The following DAB1 variants were observed in gnomAD, a reference collection of about 807,000 sequenced individuals.
DAB1 encodes DAB adaptor protein 1.
Under a neutral mutation model 64.6 loss-of-function variants are expected in DAB1, and 15 were observed. That is an observed-to-expected ratio of 0.23 (90% CI 0.16 to 0.36). DAB1 has a LOEUF of 0.36. Ranked by LOEUF, DAB1 falls within the 10% of genes least tolerant of loss-of-function variation. DAB1 has a pLI of 1.00. For synonymous variants in DAB1, 235 were observed against 251.9 expected (o/e 0.93, Z 0.64); for missense variants, 596 against 706.7 (o/e 0.84, Z 1.78).
intron 4 of DAB1, among the ~76,000 whole-genome samples, chr1:58,321,305 C>T (rs1012712506): frequency 2.0e-5 from 3 of 152,186 alleles, no homozygotes; most frequent in Non-Finnish European, 2.9e-5. Context: ...TCATCATTCG[C>T]GAATAGTAAC....
rs1369516505 is a variant in DAB1 at position 57,071,045 on chromosome 1, T to A, written c.575A>T (p.Asp192Val). 6.2e-7 allele frequency: 1 copy of A among 1,613,202 alleles called. No homozygotes were observed. The highest frequency in any genetic ancestry group is 8.5e-7 in the Non-Finnish European group (1 of 1,179,238). ...QAVYQTILEE[D>V]VEDPVYQYIV... Reference sequence around the variant, plus strand: ...TACCTGGTACACAGGATCTTCAACATCCTCTTCCAATATTGTCTATTGCAG... The same window carrying A: ...TACCTGGTACACAGGATCTTCAACAACCTCTTCCAATATTGTCTATTGCAG... The change falls in exon 7 of 15, where the codon GAT becomes GTT. Residue 192 changes from aspartate (D) to valine (V), a missense_variant. Asp to Val is a radical substitution (Grantham distance 152, BLOSUM62 -3). Coordinates refer to ENST00000371236, the MANE Select transcript of DAB1 (RefSeq NM_001365792.1).
At chr1:57,768,190 A>AAAG (rs1557469618) in intron 6 of DAB1, among the ~76,000 whole-genome samples, 1 of 150,682 alleles carries the variant, frequency 6.6e-6, no homozygotes, top group East Asian at 1.9e-4. Context: ...AAAAAAAAAA[A>AAAG]AAAAAAAGTT....
chr1:57,252,980 C>A (rs1037756009), intron 2 of DAB1, among the ~76,000 whole-genome samples: 1 of 152,192 alleles, frequency 6.6e-6, no homozygotes, highest in Non-Finnish European at 1.5e-5. Context: ...GGCCAGCAGT[C>A]CATACAACGG....
chr1:57,300,422 G>C (rs979310398), intron 1 of DAB1, among the ~76,000 whole-genome samples: 6 of 152,294 alleles, frequency 3.9e-5, no homozygotes, highest in African/African-American at 1.4e-4. Context: ...GAGTTAACAG[G>C]GGGGATGCAG....
chr1:57,862,763 T>G (rs946861110), intron 1 of DAB1: 8 of 152,104 alleles, frequency 5.3e-5, no homozygotes, highest in Non-Finnish European at 1.5e-5. Flanking sequence ...CTAAACTGAC[T>G]AAAATTAATC....
chr1:57,662,014 C>G (rs1646392554), intron 6 of DAB1, among the ~76,000 whole-genome samples: 1 of 152,016 alleles, frequency 6.6e-6, no homozygotes, highest in Non-Finnish European at 1.5e-5. Context: ...GTCTGGAGAT[C>G]CAGCTTCTCA....
At chr1:58,256,558 C>T (rs1228703336) in intron 4 of DAB1, among the ~76,000 whole-genome samples, 2 of 152,108 alleles carry the variant, frequency 1.3e-5, no homozygotes, top group Non-Finnish European at 2.9e-5. Flanking sequence ...ATCAGAAGCA[C>T]CCGTACAATG....
At chr1:58,429,886 G>T (rs706424) in intron 3 of DAB1, among the ~76,000 whole-genome samples, 1 of 152,072 alleles carries the variant, frequency 6.6e-6, no homozygotes, top group South Asian at 2.1e-4. Flanking sequence ...CTGGAGGCTG[G>T]AAAGTCCAAG....
At chr1:57,331,946 T>G (rs564737503) in intron 1 of DAB1, among the ~76,000 whole-genome samples, 43 of 152,302 alleles carry the variant, frequency 2.8e-4, no homozygotes, top group African/African-American at 1.0e-3. Flanking sequence ...GCTCTTACTC[T>G]AAGAGTTTTT....
intron 6 of DAB1, among the ~76,000 whole-genome samples, chr1:57,757,032 G>C (rs1378018812): frequency 6.6e-6 from 1 of 152,102 alleles, no homozygotes; most frequent in African/African-American, 2.4e-5. Flanking sequence ...TTGTTGATCA[G>C]CTATGGAAGG....
Position 57,256,055 on chromosome 1 carries a change from T to C in DAB1, c.67+34909A>G, listed in dbSNP as rs570677361. 3.3e-5 allele frequency among the ~76,000 whole-genome samples: 5 copies of C among 152,374 alleles called. 1 individual carries two copies. Among genetic ancestry groups the C allele is most frequent in the African/African-American group, 1.2e-4 (5 of 41,592 alleles). On this transcript the variant is annotated intron_variant, in intron 2 of 14. Transcript: ENST00000371236. ...GTGTGTTATCCTGCCCTGTGCGTTG[T>C]TATCAGCACGTTACTTCCCATGCTG...
intron 5 of DAB1, among the ~76,000 whole-genome samples, chr1:58,035,396 T>C (rs1456269851): frequency 6.6e-6 from 1 of 152,230 alleles, no homozygotes; most frequent in Non-Finnish European, 1.5e-5. Context: ...TACACAGCAA[T>C]GGACGACCAA....
chr1:57,397,410 T>C (rs993726621), intron 1 of DAB1, among the ~76,000 whole-genome samples: 10 of 152,244 alleles, frequency 6.6e-5, no homozygotes, highest in Non-Finnish European at 1.0e-4. Flanking sequence ...TTATAATTTT[T>C]TGAGAGATTA....
intron 7 of DAB1, among the ~76,000 whole-genome samples, chr1:57,573,593 A>G (rs905529847): frequency 4.6e-5 from 7 of 152,216 alleles, no homozygotes; most frequent in African/African-American, 1.7e-4. Context: ...GGACTTGAAC[A>G]CATATTAGGA....
intron 7 of DAB1, among the ~76,000 whole-genome samples, chr1:57,643,832 T>C (rs1463585085): frequency 1.3e-5 from 2 of 152,290 alleles, no homozygotes; most frequent in East Asian, 3.9e-4. Context: ...GGATTCAAGT[T>C]TGAAGGACCT....
intron 5 of DAB1, among the ~76,000 whole-genome samples, chr1:57,920,646 T>C (rs569030468): frequency 6.6e-6 from 1 of 152,268 alleles, no homozygotes; most frequent in South Asian, 2.1e-4. Context: ...GCTAGACAAA[T>C]TATTAATCTC....
intron 4 of DAB1, among the ~76,000 whole-genome samples, chr1:57,111,827 A>G (rs1441714569): frequency 1.3e-5 from 2 of 152,184 alleles, no homozygotes; most frequent in African/African-American, 2.4e-5. Flanking sequence ...TAGGTGATCA[A>G]TACATAGTTG....
At chr1:57,845,192 C>A (rs535648712) in intron 1 of DAB1, among the ~76,000 whole-genome samples, 4 of 152,192 alleles carry the variant, frequency 2.6e-5, no homozygotes, top group Admixed American at 6.5e-5. Flanking sequence ...TGAGGCTGTG[C>A]GAGGGAGGAA....
chr1:57,308,586 T>C (rs1162520210), intron 1 of DAB1, among the ~76,000 whole-genome samples: 2 of 152,212 alleles, frequency 1.3e-5, no homozygotes, highest in African/African-American at 4.8e-5. Flanking sequence ...GTCAGTACTA[T>C]GTGCACTGAC....
Sources: allele counts gnomAD v4.1 joint callset (sites outside exome capture counted in the v4.1 genomes callset), GRCh38; gene constraint gnomAD v4.1.1; transcripts MANE v1.5; gene names NCBI Gene and HGNC (gene_info 2026-07-23, HGNC 2026-07-21).